RNF38: variants seen among roughly 807,000 people sequenced by gnomAD.
RNF38 encodes ring finger protein 38, also known as E3 ubiquitin-protein ligase RNF38.
In RNF38, 15 loss-of-function variants were observed where a neutral mutation model predicts 67.2. That is an observed-to-expected ratio of 0.22 (90% confidence interval 0.15 to 0.34). The LOEUF (loss-of-function observed/expected upper bound fraction) is 0.34, where lower values mean the gene tolerates loss of function less well. Among genes scored for constraint, RNF38 ranks in the 10% least tolerant of loss-of-function variants. The pLI is 1.00. For synonymous variants in RNF38, 220 were observed against 218.8 expected (o/e 1.01, Z -0.05); for missense variants, 524 against 639.9 (o/e 0.82, Z 1.95).
intron 4 of RNF38, among the ~76,000 whole-genome samples, chr9:36,365,568 T>C (rs1020793794): frequency 1.3e-5 from 2 of 151,676 alleles, no homozygotes; most frequent in African/African-American, 4.8e-5. Context: ...AGCGAAACTC[T>C]GTCTCAAAAA....
At chr9:36,382,930 G>A (rs1836315424) in intron 2 of RNF38, among the ~76,000 whole-genome samples, 1 of 152,130 alleles carries the variant, frequency 6.6e-6, no homozygotes, top group Non-Finnish European at 1.5e-5. Context: ...AAAGGGCCCA[G>A]GAAGAGCAAA....
intron 1 of RNF38, among the ~76,000 whole-genome samples, chr9:36,477,274 G>A (rs1840142274): frequency 1.3e-5 from 2 of 149,332 alleles, no homozygotes; most frequent in Non-Finnish European, 3.0e-5. Context: ...AGTGAGCCAA[G>A]ATCACACCAC....
At chr9:36,438,977 T>G (rs1213758468) in intron 1 of RNF38, among the ~76,000 whole-genome samples, 1 of 150,994 alleles carries the variant, frequency 6.6e-6, no homozygotes, top group Non-Finnish European at 1.5e-5. Context: ...TGCTCTCTAC[T>G]CTCACAAACT....
chr9:36,471,062 C>T (rs1317084215), intron 1 of RNF38, among the ~76,000 whole-genome samples: 1 of 152,180 alleles, frequency 6.6e-6, no homozygotes, highest in Non-Finnish European at 1.5e-5. Flanking sequence ...CTCATTCCAG[C>T]TTGACTCAGC....
intron 1 of RNF38, among the ~76,000 whole-genome samples, chr9:36,472,911 CACCTGAGGTCAGGAGT>C (rs1840030598): frequency 1.2e-5 from 1 of 86,238 alleles, no homozygotes; most frequent in Non-Finnish European, 2.6e-5. Flanking sequence ...GTGGGTGGAT[CACCTGAGGTCAGGAGT>C]TCAGGACCAG....
intron 2 of RNF38, among the ~76,000 whole-genome samples, chr9:36,380,900 G>T (rs904023439): frequency 1.3e-5 from 2 of 152,190 alleles, no homozygotes; most frequent in Non-Finnish European, 2.9e-5. Flanking sequence ...TATTTTTGAT[G>T]CTCTCAAGAG....
intron 5 of RNF38, 135 bp downstream of exon 5, chr9:36,357,640 A>C (rs1408994854): frequency 9.2e-6 from 5 of 543,098 alleles, no homozygotes; most frequent in Non-Finnish European, 1.6e-5. Context: ...CTACAAAGAC[A>C]GTCTCTTAAA....
At chr9:36,407,879 G>A (rs1242160737) in intron 2 of RNF38, among the ~76,000 whole-genome samples, 1 of 152,104 alleles carries the variant, frequency 6.6e-6, no homozygotes, top group African/African-American at 2.4e-5. Context: ...TTGTTAGGGA[G>A]GAACCATCTC....
chr9:36,447,253 C>T (rs1466567023), intron 1 of RNF38, among the ~76,000 whole-genome samples: 1 of 152,106 alleles, frequency 6.6e-6, no homozygotes, highest in Non-Finnish European at 1.5e-5. Flanking sequence ...TGTATTTACA[C>T]AGACCTCTGC....
chr9:36,432,782 C>T (rs1838962638), intron 1 of RNF38, among the ~76,000 whole-genome samples: 1 of 152,034 alleles, frequency 6.6e-6, no homozygotes, highest in Admixed American at 6.6e-5. Context: ...AAAAAACAAA[C>T]AACAACAAAA....
chr9:36,419,952 G>A (rs569019608), intron 2 of RNF38, among the ~76,000 whole-genome samples: 7 of 152,270 alleles, frequency 4.6e-5, no homozygotes, highest in East Asian at 1.9e-4. Context: ...AAAAACTACC[G>A]AGAAGGACTG....
chr9:36,460,987 TG>T (rs1839719942), intron 1 of RNF38, among the ~76,000 whole-genome samples: 1 of 149,990 alleles, frequency 6.7e-6, no homozygotes, highest in Admixed American at 6.6e-5. Flanking sequence ...CCAAAGCAGG[TG>T]GATCACCTGA....
chr9:36,350,472 C>G (rs191691531), intron 9 of RNF38, among the ~76,000 whole-genome samples: 2 of 152,324 alleles, frequency 1.3e-5, no homozygotes. Context: ...GCTTTTCAAT[C>G]AACTGCCGAT....
chr9:36,453,190 T>C (rs1294119492), intron 1 of RNF38, among the ~76,000 whole-genome samples: 2 of 152,150 alleles, frequency 1.3e-5, no homozygotes, highest in African/African-American at 4.8e-5. Context: ...TATAGCCATC[T>C]TAACAAGTGT....
chr9:36,444,441 C>T (rs1839257953), intron 1 of RNF38, among the ~76,000 whole-genome samples: 1 of 152,132 alleles, frequency 6.6e-6, no homozygotes, highest in Admixed American at 6.6e-5. Flanking sequence ...GCATTTCCTG[C>T]ACTTGTACCC....
At chr9:36,480,957 T>C (rs1840244710) in intron 1 of RNF38, among the ~76,000 whole-genome samples, 2 of 151,984 alleles carry the variant, frequency 1.3e-5, no homozygotes, top group African/African-American at 2.4e-5. Context: ...CTCTCTTATT[T>C]CTATACATAT....
intron 4 of RNF38, among the ~76,000 whole-genome samples, chr9:36,364,717 G>A (rs1241617762): frequency 6.6e-6 from 1 of 152,158 alleles, no homozygotes; most frequent in Non-Finnish European, 1.5e-5. Flanking sequence ...CTAGAACAGT[G>A]GTTCTCTAAT....
intron 4 of RNF38, among the ~76,000 whole-genome samples, chr9:36,365,139 A>C (rs538397612): frequency 4.6e-5 from 7 of 152,114 alleles, no homozygotes; most frequent in Non-Finnish European, 8.8e-5. Context: ...AAATGACAGA[A>C]TCATCTTCTC....
upstream of RNF38, among the ~76,000 whole-genome samples, chr9:36,401,740 CA>C (rs1838042673): frequency 6.6e-6 from 1 of 152,138 alleles, no homozygotes; most frequent in Admixed American, 6.6e-5. Context: ...AGAGGGCAGT[CA>C]AGAGGACATC....
Sources: allele counts gnomAD v4.1 joint callset (sites outside exome capture counted in the v4.1 genomes callset), GRCh38; gene constraint gnomAD v4.1.1; transcripts MANE v1.5; gene names NCBI Gene and HGNC (gene_info 2026-07-23, HGNC 2026-07-21).